Variants in BACH2 observed in about 807,000 individuals in gnomAD.
The protein encoded by BACH2 is transcription regulator protein BACH2.
In BACH2, 5 loss-of-function variants were observed where a neutral mutation model predicts 61.8. The ratio of observed to expected loss-of-function variants is 0.08; its 90% confidence interval spans 0.04 to 0.17. The LOEUF is 0.17. BACH2 is among the 10% of genes least tolerant of loss of function. The pLI, the probability that BACH2 is intolerant of heterozygous loss-of-function variation, is 1.00. For synonymous variants in BACH2, 446 were observed against 440.1 expected, an observed-to-expected ratio of 1.01 and a Z score of -0.17; for missense variants, 824 against 1,091.1, an observed-to-expected ratio of 0.76 and a Z score of 3.45.
chr6:90,125,408 C>G (rs77912266), intron 4 of BACH2, among the ~76,000 whole-genome samples: 290 of 152,276 alleles, frequency 1.9e-3, no homozygotes, highest in African/African-American at 6.7e-3. Context: ...TAAAAACCTT[C>G]TTGGTTAACC....
At position 89,940,074 on chromosome 6, in the gene BACH2, G is replaced by C. The variant is rs564449190; in HGVS notation, c.1837-1724C>G. ...CACCCAGGCTGGAGTAGAGTGGCAC[G>C]ATTTTGACTCACGGCAAACTCCACC... On this transcript the variant is annotated intron_variant, in intron 7 of 8. Coordinates refer to ENST00000257749, the MANE Select transcript of BACH2 (RefSeq NM_021813.4). Among the ~76,000 whole-genome samples the C allele has an allele frequency of 1.6e-4, 25 of 151,982 alleles. No homozygotes were observed. The South Asian group carries it at 5.0e-3, about 30-fold the overall frequency.
At chr6:90,082,712 C>T (rs993007345) in intron 5 of BACH2, among the ~76,000 whole-genome samples, 2 of 152,136 alleles carry the variant, frequency 1.3e-5, no homozygotes, top group Non-Finnish European at 2.9e-5. Flanking sequence ...ATGTAGAATA[C>T]ATGTATCACT....
chr6:89,952,873 G>T (rs1314172937), intron 6 of BACH2: 1 of 152,202 alleles, frequency 6.6e-6, no homozygotes, highest in Non-Finnish European at 1.5e-5. Flanking sequence ...TGTTTTTTCA[G>T]ATGGAAATGG....
chr6:90,094,302 A>C (rs1249271467), intron 4 of BACH2, among the ~76,000 whole-genome samples: 2 of 152,202 alleles, frequency 1.3e-5, no homozygotes, highest in Admixed American at 6.6e-5. Context: ...ACTCTTAGCT[A>C]GGATTTTCTT....
At chr6:90,156,111 A>G (rs1055035287) in intron 4 of BACH2, among the ~76,000 whole-genome samples, 16 of 152,202 alleles carry the variant, frequency 1.1e-4, no homozygotes, top group Admixed American at 9.8e-4. Context: ...ACCTAATCCC[A>G]ATGTGCATGG....
At chr6:90,081,263 A>G (rs1562429041) in intron 5 of BACH2, among the ~76,000 whole-genome samples, 1 of 152,194 alleles carries the variant, frequency 6.6e-6, no homozygotes, top group South Asian at 2.1e-4. Flanking sequence ...GGCTTAAATG[A>G]CATGCCCATC....
chr6:90,000,531 C>T (rs1229292000), intron 6 of BACH2, among the ~76,000 whole-genome samples: 1 of 152,142 alleles, frequency 6.6e-6, no homozygotes, highest in Non-Finnish European at 1.5e-5. Flanking sequence ...ATAATAACAC[C>T]TACTGTTTCT....
At chr6:90,110,851 T>C (rs1783135728) in intron 4 of BACH2, among the ~76,000 whole-genome samples, 1 of 152,214 alleles carries the variant, frequency 6.6e-6, no homozygotes, top group Non-Finnish European at 1.5e-5. Flanking sequence ...CAGTACACTC[T>C]GGTATACGGT....
At chr6:90,100,706 C>CACACACACACACACACACAG (rs1554245800) in intron 4 of BACH2, among the ~76,000 whole-genome samples, 6,619 of 142,906 alleles carry the variant, frequency 0.046, 143 homozygotes, top group Middle Eastern at 0.073. Context: ...CACACAGACA[C>CACACACACACACACACACAG]ACACACACAC....
At chr6:90,077,036 A>G (rs781074026) in intron 5 of BACH2, among the ~76,000 whole-genome samples, 8 of 152,168 alleles carry the variant, frequency 5.3e-5, no homozygotes, top group Non-Finnish European at 1.2e-4. Context: ...CATTGCAAAT[A>G]CTTTACACTA....
At chr6:90,260,703 T>C (rs1230942486) in intron 2 of BACH2, among the ~76,000 whole-genome samples, 1 of 152,230 alleles carries the variant, frequency 6.6e-6, no homozygotes, top group African/African-American at 2.4e-5. Context: ...ATTCTTTATG[T>C]TAGTTTGGGT....
chr6:90,145,464 G>A (rs1289390187), intron 4 of BACH2, among the ~76,000 whole-genome samples: 3 of 152,164 alleles, frequency 2.0e-5, no homozygotes, highest in Middle Eastern at 3.2e-3. Context: ...AATAGAAAAA[G>A]TGTTTACAAA....
rs998376755 is a variant in BACH2, at chr6:89,927,205, G to A, written c.*5203C>T. 6.5e-6 allele frequency: 1 copy of A among 152,818 alleles called. No homozygotes were observed. Among genetic ancestry groups the A allele is most frequent in the African/African-American group, 2.4e-5 (1 of 41,466 alleles). 9.5% of individuals were successfully genotyped at this position (152,818 alleles called of 1,614,324 possible). On this transcript the variant is annotated 3_prime_UTR_variant, in exon 9 of 9. Coordinates refer to ENST00000257749, the MANE Select transcript of BACH2 (RefSeq NM_021813.4). ...TCACTGTGTCTAACAAGCACCTGAA[G>A]CTCCCAAATGCATATGGAATCTTCC...
chr6:89,955,181 G>A (rs887309920), intron 6 of BACH2, among the ~76,000 whole-genome samples: 1 of 152,252 alleles, frequency 6.6e-6, no homozygotes, highest in Non-Finnish European at 1.5e-5. Context: ...GTCAGTGCTA[G>A]TCAGTGGAGA....
chr6:90,113,147 A>G (rs572904404), intron 4 of BACH2, among the ~76,000 whole-genome samples: 19 of 152,190 alleles, frequency 1.2e-4, no homozygotes, highest in Non-Finnish European at 2.8e-4. Context: ...TTCCCACACA[A>G]TAGTTGTGGG....
At chr6:90,012,026 C>T (rs535761069) in intron 5 of BACH2, among the ~76,000 whole-genome samples, 8 of 150,148 alleles carry the variant, frequency 5.3e-5, no homozygotes, top group African/African-American at 1.9e-4. Context: ...AAACTCCTGG[C>T]GTCAAGTGAT....
chr6:90,090,502 C>G (rs766266218), intron 4 of BACH2, among the ~76,000 whole-genome samples: 2 of 152,122 alleles, frequency 1.3e-5, no homozygotes, highest in Non-Finnish European at 2.9e-5. Flanking sequence ...ACTTGCTCCT[C>G]ACGCAACTTA....
At chr6:89,969,581 A>G (rs1775246567) in intron 6 of BACH2, among the ~76,000 whole-genome samples, 8 of 152,162 alleles carry the variant, frequency 5.3e-5, no homozygotes, top group Admixed American at 5.2e-4. Context: ...TTTGTCCTTC[A>G]AATATTGTGA....
At position 89,955,513 on chromosome 6, in the gene BACH2, T is replaced by C. The variant is rs1159962153; in HGVS notation, c.244-3651A>G. 2.0e-5 allele frequency among the ~76,000 whole-genome samples: 3 copies of C among 152,146 alleles called. No homozygotes were observed. In the East Asian group the frequency reaches 5.8e-4, roughly 29 times the overall value. The stretch of plus-strand genomic sequence containing the variant: ...TGAGTGTCTGCTCTAGGTCAAGGGT[T>C]GCTTTGATACGATGGCTACTTTCGG... On this transcript the variant is annotated intron_variant, in intron 6 of 8. Transcript: ENST00000257749.
Sources: allele counts gnomAD v4.1 joint callset (sites outside exome capture counted in the v4.1 genomes callset), GRCh38; gene constraint gnomAD v4.1.1; transcripts MANE v1.5; gene names NCBI Gene and HGNC (gene_info 2026-07-23, HGNC 2026-07-21).